Variants in ANO3 observed in about 807,000 individuals in gnomAD.
ANO3 encodes the protein anoctamin-3.
In ANO3, 99 loss-of-function variants were observed where a neutral mutation model predicts 144.8. The observed-to-expected ratio is 0.68, with a 90% CI of 0.58 to 0.81. The LOEUF (loss-of-function observed/expected upper bound fraction) is 0.81, where lower values mean the gene tolerates loss of function less well. Ranked by LOEUF, ANO3 falls within the 30% of genes least tolerant of loss-of-function variation. The pLI is 0.00. For missense variants in ANO3, 905 were observed against 1,202.2 expected, an observed-to-expected ratio of 0.75 and a Z score of 3.66; for synonymous variants, 414 against 392.6, an observed-to-expected ratio of 1.05 and a Z score of -0.64.
intron 1 of ANO3, among the ~76,000 whole-genome samples, chr11:26,405,990 C>A (rs1019104082): frequency 1.3e-5 from 2 of 151,822 alleles, no homozygotes; most frequent in South Asian, 2.1e-4. Flanking sequence ...GCCCTAATGG[C>A]ACAATCACTG....
At chr11:26,611,536 A>G (rs61878599) in intron 17 of ANO3, among the ~76,000 whole-genome samples, 30 of 152,280 alleles carry the variant, frequency 2.0e-4, no homozygotes, top group African/African-American at 4.1e-4. Flanking sequence ...CATGTGATCT[A>G]TCCTGGAGAA....
intron 8 of ANO3, among the ~76,000 whole-genome samples, chr11:26,533,261 C>G (rs73432408): frequency 6.6e-6 from 1 of 151,422 alleles, no homozygotes; most frequent in African/African-American, 2.4e-5. Context: ...CTCTTTTTGT[C>G]GGGTAAAAAT....
intron 1 of ANO3, among the ~76,000 whole-genome samples, chr11:26,202,727 G>GAA (rs151234568): frequency 6.7e-6 from 1 of 148,968 alleles, no homozygotes; most frequent in Non-Finnish European, 1.5e-5. Context: ...CACAGTTGAG[G>GAA]AAAAAAAAAA....
chr11:26,431,631 C>G (rs1858093141), intron 1 of ANO3, among the ~76,000 whole-genome samples: 1 of 152,170 alleles, frequency 6.6e-6, no homozygotes, highest in African/African-American at 2.4e-5. Flanking sequence ...TCAGCTCCCA[C>G]TTATGAGGAC....
chr11:26,616,617 T>C (rs1421343426), intron 17 of ANO3, among the ~76,000 whole-genome samples: 1 of 152,126 alleles, frequency 6.6e-6, no homozygotes, highest in Admixed American at 6.5e-5. Flanking sequence ...GAACAGAAAC[T>C]CCAGGTCCAA....
intron 1 of ANO3, among the ~76,000 whole-genome samples, chr11:26,302,398 G>A (rs12223100): frequency 0.062 from 9,434 of 152,168 alleles, 556 homozygotes; most frequent in African/African-American, 0.15. Context: ...AGGAGGCTGA[G>A]GCAGGAGAAT....
intron 1 of ANO3, among the ~76,000 whole-genome samples, chr11:26,224,398 A>G (rs1852214530): frequency 6.6e-6 from 1 of 152,226 alleles, no homozygotes; most frequent in Non-Finnish European, 1.5e-5. Flanking sequence ...CAGGGAATAA[A>G]GATTGGTAGT....
chr11:26,565,888 T>A (rs781399474), intron 14 of ANO3: 33 of 1,573,444 alleles, frequency 2.1e-5, no homozygotes, highest in East Asian at 1.6e-4. Flanking sequence ...GGTTTTTTTT[T>A]AAAGGAATCT....
At chr11:26,553,169 T>C (rs1233594462) in intron 12 of ANO3, 80 bp from the exon 13 acceptor site, 1 of 1,023,478 alleles carries the variant, frequency 9.8e-7, no homozygotes, top group Admixed American at 1.8e-5. Flanking sequence ...CCAACAGGAT[T>C]TGCTGTAGGG....
intron 14 of ANO3, among the ~76,000 whole-genome samples, chr11:26,573,465 G>C (rs1351012653): frequency 6.6e-6 from 1 of 152,038 alleles, no homozygotes; most frequent in Non-Finnish European, 1.5e-5. Context: ...CACTTTTTAG[G>C]TAAAAATCCA....
intron 1 of ANO3, among the ~76,000 whole-genome samples, chr11:26,403,129 T>C (rs770585085): frequency 3.3e-5 from 5 of 152,024 alleles, no homozygotes; most frequent in Non-Finnish European, 5.9e-5. Context: ...TGGTTTATCC[T>C]GTTACTTGTT....
chr11:26,521,373 G>A (rs183281478), intron 6 of ANO3, among the ~76,000 whole-genome samples: 1 of 152,112 alleles, frequency 6.6e-6, no homozygotes, highest in Admixed American at 6.5e-5. Flanking sequence ...CATATTTAAC[G>A]AAGTTACAAG....
chr11:26,307,721 A>AAATAATAATAATAATAATAAT (rs56805697), upstream of ANO3, among the ~76,000 whole-genome samples: 1 of 142,512 alleles, frequency 7.0e-6, no homozygotes. Flanking sequence ...CTCCGTCTCT[A>AAATAATAATAATAATAATAAT]AATAATAATA....
At chr11:26,330,667 C>T (rs922973981), upstream of ANO3, among the ~76,000 whole-genome samples, 4 of 152,132 alleles carry the variant, frequency 2.6e-5, no homozygotes, top group African/African-American at 9.7e-5. Context: ...CTGCAAAATC[C>T]ATAAGTAATA....
At chr11:26,313,918 A>G (rs1854563836) in intron 1 of ANO3, among the ~76,000 whole-genome samples, 4 of 149,588 alleles carry the variant, frequency 2.7e-5, no homozygotes, top group African/African-American at 9.9e-5. Flanking sequence ...TACCTAAAAA[A>G]GAAAGAGATA....
chr11:26,334,044 G>T (rs1460895039), intron 1 of ANO3, among the ~76,000 whole-genome samples: 1 of 152,216 alleles, frequency 6.6e-6, no homozygotes, highest in Non-Finnish European at 1.5e-5. Flanking sequence ...GATACATGTT[G>T]TGTTTTTAAG....
intron 1 of ANO3, among the ~76,000 whole-genome samples, chr11:26,289,618 C>A (rs569118078): frequency 1.3e-3 from 105 of 83,226 alleles, no homozygotes; most frequent in East Asian, 4.9e-3. Flanking sequence ...CACATATATT[C>A]TATATGTGTG....
At chr11:26,476,479 C>G (rs369349140) in intron 4 of ANO3, among the ~76,000 whole-genome samples, 1 of 151,942 alleles carries the variant, frequency 6.6e-6, no homozygotes, top group African/African-American at 2.4e-5. Flanking sequence ...GCTTATATGG[C>G]AAAAACACAG....
At chr11:26,637,986 T>G (rs7952675) in intron 20 of ANO3, among the ~76,000 whole-genome samples, 1,874 of 152,262 alleles carry the variant, frequency 0.012, 43 homozygotes, top group African/African-American at 0.042. Context: ...TGAAATCACG[T>G]TTTTGTTTGT....
Sources: gnomAD v4.1 joint callset for allele counts (sites outside exome capture counted in the v4.1 genomes callset) on GRCh38, gnomAD v4.1.1 for gene constraint, MANE v1.5 for transcripts, NCBI Gene and HGNC (gene_info 2026-07-23, HGNC 2026-07-21) for gene names.